GUCY2C: variants seen among roughly 807,000 people sequenced by gnomAD.
The protein encoded by GUCY2C is guanylyl cyclase C.
A neutral mutation model predicts 131.1 loss-of-function variants in GUCY2C; 118 were observed. The observed-to-expected ratio is 0.90, with a 90% confidence interval of 0.78 to 1.05. The LOEUF is 1.05. Among genes scored for constraint, GUCY2C ranks in the 50% least tolerant of loss-of-function variants. The pLI, the probability that GUCY2C is intolerant of heterozygous loss-of-function variation, is 0.00. For missense variants in GUCY2C, 1,161 were observed against 1,304.4 expected (o/e 0.89, Z 1.69); for synonymous variants, 452 against 457.8 (o/e 0.99, Z 0.16).
Position 14,651,981 on chromosome 12 carries a change from T to A in GUCY2C, c.1583A>T (p.Lys528Ile), listed in dbSNP as rs996034873. ...TACCTTGTTCAATTCTATCTTCTGT[T>A]TTTCAGTGAAATTACCATCATTGTG... The part of the protein sequence containing the change: ...LKHNDGNFTE[K>I]QKIELNKLLQ... The change falls in exon 14 of 27, where the codon AAA becomes ATA. Residue 528 changes from lysine to isoleucine, a missense_variant. Physicochemically the swap from Lys to Ile is moderately radical, Grantham distance 102 (BLOSUM62 -3). Coordinates refer to ENST00000261170, the MANE Select transcript of GUCY2C (RefSeq NM_004963.4). 6.3e-7 allele frequency: 1 copy of A among 1,597,632 alleles called. No individual in the cohort carries two copies.
chr12:14,625,794 C>G lies in GUCY2C; in HGVS notation c.2371G>C (p.Asp791His), dbSNP rs777679079. Residue 791 changes from aspartate (D) to histidine (H), a missense_variant, in exon 21 of 27, where the codon GAC (aspartate) becomes CAC (histidine). Coordinates refer to ENST00000261170, the MANE Select transcript of GUCY2C (RefSeq NM_004963.4). ...ERTQLYKAERDRADRLNFMLL... is the reference protein window; with the variant it reads ...ERTQLYKAERHRADRLNFMLL... ...ATAAAGTTAAGTCTGTCAGCCCTGT[C>G]CCTCTCTGCCTTGTACAGCTGTGTC... 1.2e-6 allele frequency: 2 copies of G among 1,614,086 alleles called. No homozygotes were observed. Among genetic ancestry groups the G allele is most frequent in the Admixed American group, 3.3e-5 (2 of 60,020 alleles).
chr12:14,665,116 T>C (rs1947949524), intron 10 of GUCY2C, among the ~76,000 whole-genome samples: 1 of 150,238 alleles, frequency 6.7e-6, no homozygotes, highest in African/African-American at 2.5e-5. Context: ...CTTGGAAGGC[T>C]GAGGCAGGAG....
At chr12:14,672,496 G>A (rs1258555187) in intron 9 of GUCY2C, among the ~76,000 whole-genome samples, 1 of 152,130 alleles carries the variant, frequency 6.6e-6, no homozygotes, top group African/African-American at 2.4e-5. Flanking sequence ...GAAATCTTTA[G>A]TTGTGAAAAT....
chr12:14,675,832 A>C (rs921836112), intron 7 of GUCY2C, among the ~76,000 whole-genome samples: 2 of 152,236 alleles, frequency 1.3e-5, no homozygotes, highest in African/African-American at 4.8e-5. Context: ...TAATATCCAG[A>C]TATTACACTC....
At chr12:14,688,088 T>A in intron 1 of GUCY2C, 25 bp from the exon 2 acceptor site, 1 of 1,305,152 alleles carries the variant, frequency 7.7e-7, no homozygotes, top group Admixed American at 1.7e-5. Context: ...TGAGGGAAAA[T>A]AGAACACTAG....
chr12:14,631,485 G>A (rs1947146633), intron 19 of GUCY2C, among the ~76,000 whole-genome samples: 1 of 151,592 alleles, frequency 6.6e-6, no homozygotes, highest in South Asian at 2.1e-4. Flanking sequence ...GCGGTGTTTG[G>A]TTTTTTGTCC....
At chr12:14,632,129 C>T (rs1947158725) in intron 19 of GUCY2C, among the ~76,000 whole-genome samples, 1 of 152,020 alleles carries the variant, frequency 6.6e-6, no homozygotes, top group Admixed American at 6.5e-5. Context: ...GGATATTAGC[C>T]CTTTCTCAGA....
chr12:14,655,072 T>C (rs939450026), intron 12 of GUCY2C, among the ~76,000 whole-genome samples: 3 of 152,184 alleles, frequency 2.0e-5, no homozygotes, highest in Non-Finnish European at 4.4e-5. Flanking sequence ...TTTGTGTACT[T>C]TACTTCCTTG....
At chr12:14,616,329 T>TC (rs1946761572) in intron 25 of GUCY2C, among the ~76,000 whole-genome samples, 1 of 152,108 alleles carries the variant, frequency 6.6e-6, no homozygotes, top group Non-Finnish European at 1.5e-5. Flanking sequence ...TGATTCAAAT[T>TC]AAATAAGTCC....
chr12:14,695,063 A>G (rs971712035), intron 1 of GUCY2C, among the ~76,000 whole-genome samples: 2 of 152,160 alleles, frequency 1.3e-5, no homozygotes, highest in African/African-American at 4.8e-5. Flanking sequence ...GGCGGATATT[A>G]TATATCAATT....
At chr12:14,650,593 G>C (rs1174249122) in intron 15 of GUCY2C, among the ~76,000 whole-genome samples, 1 of 152,112 alleles carries the variant, frequency 6.6e-6, no homozygotes, top group African/African-American at 2.4e-5. Flanking sequence ...ATTTTCCTCT[G>C]TGATCTTAAT....
At chr12:14,641,581 T>A (rs2137020366) in intron 17 of GUCY2C, among the ~76,000 whole-genome samples, 1 of 152,262 alleles carries the variant, frequency 6.6e-6, no homozygotes, top group East Asian at 1.9e-4. Flanking sequence ...TACAGTAGAA[T>A]ATGAGAGGCT....
chr12:14,655,178 C>G (rs1947739238), intron 12 of GUCY2C, among the ~76,000 whole-genome samples: 1 of 152,166 alleles, frequency 6.6e-6, no homozygotes, highest in Non-Finnish European at 1.5e-5. Flanking sequence ...TCACTTTTTG[C>G]TCAAATAAAT....
chr12:14,693,905 AT>A (rs1275498200), intron 1 of GUCY2C, among the ~76,000 whole-genome samples: 1 of 152,258 alleles, frequency 6.6e-6, no homozygotes, highest in Non-Finnish European at 1.5e-5. Flanking sequence ...CTAACATACT[AT>A]TTAATTATTT....
chr12:14,664,631 T>C (rs1947933319), intron 10 of GUCY2C, among the ~76,000 whole-genome samples: 1 of 152,198 alleles, frequency 6.6e-6, no homozygotes, highest in South Asian at 2.1e-4. Flanking sequence ...TGGTGGCTGC[T>C]GTAGTTATCA....
chr12:14,652,037 AAATC>A lies in GUCY2C; in HGVS notation c.1534-11_1534-8del. The A allele has an allele frequency of 6.4e-7, 1 of 1,556,244 alleles. No individual in the cohort carries two copies. Among genetic ancestry groups the A allele is most frequent in the Non-Finnish European group, 8.9e-7 (1 of 1,128,162 alleles). ...GATCTTTGAGAATCACTCGCTGCAA[AAATC>A]AATGAAATTTAGGAGACAGTGTTGT... On this transcript the variant is annotated splice_polypyrimidine_tract_variant and splice_region_variant and intron_variant, in intron 13 of 26. Transcript: ENST00000261170.
chr12:14,641,481 C>T (rs1319068050), intron 17 of GUCY2C, among the ~76,000 whole-genome samples: 1 of 152,144 alleles, frequency 6.6e-6, no homozygotes, highest in Non-Finnish European at 1.5e-5. Context: ...TTATTTAAAA[C>T]TGCTAGGATC....
At position 14,642,559 on chromosome 12, in the gene GUCY2C, T is replaced by A. The variant is rs7980493; in HGVS notation, c.1930+1015A>T. ...TCTTGTGAATTTTTGTGAATTGTGA[T>A]TCATGCATAGTTGATCATAAAGGTT... On this transcript the variant is annotated intron_variant, in intron 17 of 26. Coordinates refer to ENST00000261170, the MANE Select transcript of GUCY2C (RefSeq NM_004963.4). Among the ~76,000 whole-genome samples the A allele has an allele frequency of 8.0e-3, 1,215 of 152,312 alleles. 17 individuals carry two copies. The highest frequency in any genetic ancestry group is 0.027 in the African/African-American group (1,131 of 41,558).
At chr12:14,645,989 C>T (rs1947515543) in intron 15 of GUCY2C, among the ~76,000 whole-genome samples, 2 of 152,176 alleles carry the variant, frequency 1.3e-5, no homozygotes, top group South Asian at 4.1e-4. Context: ...GCGCATGCCA[C>T]TATGCCCAGC....
Sources: allele counts gnomAD v4.1 joint callset (sites outside exome capture counted in the v4.1 genomes callset), GRCh38; gene constraint gnomAD v4.1.1; transcripts MANE v1.5; gene names NCBI Gene and HGNC (gene_info 2026-07-23, HGNC 2026-07-21).